PCDHGA9: variants seen among roughly 807,000 people sequenced by gnomAD.
The protein encoded by PCDHGA9 is protocadherin gamma subfamily A, 9, also known as protocadherin gamma-A9.
Under a neutral mutation model 62.5 loss-of-function variants are expected in PCDHGA9, and 37 were observed. The observed-to-expected ratio is 0.59, with a 90% CI of 0.46 to 0.78. The LOEUF is 0.78. PCDHGA9 is among the 30% of genes least tolerant of loss of function. The pLI is 0.00. For synonymous variants in PCDHGA9, 459 were observed against 484.6 expected (o/e 0.95, Z 0.69); for missense variants, 1,138 against 1,166.2 (o/e 0.98, Z 0.35).
Position 141,404,177 on chromosome 5 carries a change from A to C in PCDHGA9, c.1225A>C (p.Ile409Leu). The C allele has an allele frequency of 6.2e-7, 1 of 1,613,448 alleles. No individual in the cohort carries two copies. Among genetic ancestry groups the C allele is most frequent in the Non-Finnish European group, 8.5e-7 (1 of 1,179,648 alleles). Reference protein sequence around the residue: ...EDYYRLLTAQILDREKASEYN... With the variant: ...EDYYRLLTAQLLDREKASEYN... The stretch of plus-strand genomic sequence containing the variant: ...TTATTACAGATTGTTGACGGCCCAA[A>C]TTCTTGACCGAGAAAAAGCCTCAGA... Residue 409 changes from isoleucine (I) to leucine (L), a missense_variant, in exon 1 of 4, where the codon ATT becomes CTT. Transcript: ENST00000573521.
intron 1 of PCDHGA9, among the ~76,000 whole-genome samples, chr5:141,469,731 C>A (rs1332201791): frequency 6.6e-6 from 1 of 152,214 alleles, no homozygotes; most frequent in Non-Finnish European, 1.5e-5. Context: ...ATCATAAATA[C>A]ACACCTCAAA....
chr5:141,499,921 C>A, intron 2 of PCDHGA9, among the ~76,000 whole-genome samples: 1 of 152,128 alleles, frequency 6.6e-6, no homozygotes, highest in Middle Eastern at 3.2e-3. Context: ...CTCCTGGCCT[C>A]AAGTGATCCA....
chr5:141,509,144 G>A (rs969990007), intron 3 of PCDHGA9, among the ~76,000 whole-genome samples: 1 of 152,114 alleles, frequency 6.6e-6, no homozygotes, highest in African/African-American at 2.4e-5. Context: ...GGCGCATCCC[G>A]GCTCTCCCCT....
chr5:141,419,479 C>A, intron 1 of PCDHGA9: 2 of 1,612,390 alleles, frequency 1.2e-6, no homozygotes, highest in Non-Finnish European at 1.7e-6. Flanking sequence ...AGGGCTCGCC[C>A]GCGCTCAGCG....
intron 1 of PCDHGA9, chr5:141,421,632 G>A (rs2096589368): frequency 6.2e-7 from 1 of 1,613,846 alleles, no homozygotes; most frequent in South Asian, 1.1e-5. Context: ...CCAGCTTCCA[G>A]GAGGACGAAG....
chr5:141,501,509 C>T lies in PCDHGA9; in HGVS notation c.2484-3884C>T, dbSNP rs1046763108. 4.6e-5 allele frequency among the ~76,000 whole-genome samples: 7 copies of T among 152,080 alleles called. No individual in the cohort carries two copies. The South Asian group carries it at 6.2e-4, about 14-fold the overall frequency. On this transcript the variant is annotated intron_variant, in intron 2 of 3. Transcript: ENST00000573521. The stretch of plus-strand genomic sequence containing the variant: ...ATATCTGCTGCTGGGGCTCCAAGGC[C>T]TCCAAGCTGAAGCCCAGTACGTTGT...
Position 141,491,244 on chromosome 5 carries a change from T to A in PCDHGA9, c.2425-3563T>A. 1 of 1,614,210 alleles carries A rather than the reference T, an allele frequency of 6.2e-7. No individual in the cohort carries two copies. Among genetic ancestry groups the A allele is most frequent in the Non-Finnish European group, 8.5e-7 (1 of 1,180,024 alleles). On this transcript the variant is annotated intron_variant, in intron 1 of 3. Coordinates refer to ENST00000573521, the MANE Select transcript of PCDHGA9 (RefSeq NM_018921.3). This position sits in a 1 kb window ranked among gnomAD's most constrained non-coding sequence, Gnocchi z 6.9. ...CCACAGTGCTGCTGGTTCTGGAGGA[T>A]GAGGACCCTGAGGAAATGCCCAAAT...
rs1177173734 is a variant in PCDHGA9, at chr5:141,491,741, G to T, written c.2425-3066G>T. 1.3e-6 allele frequency: 2 copies of T among 1,595,762 alleles called. No individual in the cohort carries two copies. On this transcript the variant is annotated intron_variant, in intron 1 of 3. Transcript: ENST00000573521. This position sits in a 1 kb window ranked among gnomAD's most constrained non-coding sequence, Gnocchi z 6.9. ...CCGCCCCGGGCGACCCCTGGGGGCG[G>T]CACTGGAGAAGCCGCCCGTCCTCAT... is the stretch of plus-strand genomic sequence containing the variant.
intron 1 of PCDHGA9, chr5:141,478,456 T>A (rs371773090): frequency 3.1e-6 from 5 of 1,613,366 alleles, no homozygotes; most frequent in African/African-American, 2.7e-5. Context: ...GTGCAGCCAG[T>A]CCACTGGCCA....
Position 141,487,265 on chromosome 5 carries a change from G to C in PCDHGA9, c.2425-7542G>C, listed in dbSNP as rs144347539. 6,978 of 1,614,152 alleles carry C rather than the reference G, an allele frequency of 4.3e-3. 28 individuals carry two copies. Among genetic ancestry groups the C allele is most frequent in the Non-Finnish European group, 4.9e-3 (5,770 of 1,180,028 alleles). ...AACCCTCTACTTGGCTGTGTCCCTA[G>C]TGGCAATTTGCTTTGTCTCCTTTGG... On this transcript the variant is annotated intron_variant, in intron 1 of 3. Coordinates refer to ENST00000573521, the MANE Select transcript of PCDHGA9 (RefSeq NM_018921.3). This position sits in a 1 kb window ranked among gnomAD's most constrained non-coding sequence, Gnocchi z 5.0.
chr5:141,472,505 A>G (rs1041224118), intron 1 of PCDHGA9, among the ~76,000 whole-genome samples: 4 of 152,004 alleles, frequency 2.6e-5, no homozygotes, highest in African/African-American at 7.3e-5. Context: ...GTGCCACTGC[A>G]CTCCAGCCTG....
At position 141,485,074 on chromosome 5, in the gene PCDHGA9, G is replaced by T. The variant is rs2099606548; in HGVS notation, c.2425-9733G>T. On this transcript the variant is annotated intron_variant, in intron 1 of 3. Transcript: ENST00000573521. The surrounding 1 kb of genome is among the most constrained non-coding windows in gnomAD (Gnocchi z 5.7). ...GGCCGAACCGCGCCAGAGCTGGCGCGGGGAAAGGGAGATAGGTGTCTCCAG... is the reference window on the plus strand; with the variant it reads ...GGCCGAACCGCGCCAGAGCTGGCGCTGGGAAAGGGAGATAGGTGTCTCCAG... The T allele has an allele frequency of 2.2e-6, 2 of 926,946 alleles. No homozygotes were observed. The highest frequency in any genetic ancestry group is 3.4e-6 in the Non-Finnish European group (2 of 596,630). 57.4% of individuals were successfully genotyped at this position (926,946 alleles called of 1,614,324 possible). A position where few individuals can be genotyped will look rare whatever the true frequency, so the allele number is the denominator to read the frequency against.
intron 1 of PCDHGA9, chr5:141,422,899 G>A: frequency 2.5e-6 from 4 of 1,614,234 alleles, no homozygotes; most frequent in Non-Finnish European, 3.4e-6. Flanking sequence ...GGACCAGAAC[G>A]ACAATGCGCC....
intron 2 of PCDHGA9, among the ~76,000 whole-genome samples, chr5:141,497,336 A>G (rs558221190): frequency 1.6e-3 from 251 of 152,122 alleles, no homozygotes; most frequent in Non-Finnish European, 2.8e-3. Flanking sequence ...TTCACCATTG[A>G]ACCTGGAAGC....
chr5:141,454,281 A>C (rs1048947689), intron 1 of PCDHGA9, among the ~76,000 whole-genome samples: 2 of 152,242 alleles, frequency 1.3e-5, no homozygotes, highest in African/African-American at 4.8e-5. Context: ...AAAACTTCAC[A>C]TTAAAGGAAC....
chr5:141,485,106 TGGCTGTTTGGGGCGGGTC>T lies in PCDHGA9; in HGVS notation c.2425-9696_2425-9679del. 1 of 1,206,448 alleles carries T rather than the reference TGGCTGTTTGGGGCGGGTC, an allele frequency of 8.3e-7. No homozygotes were observed. The highest frequency in any genetic ancestry group is 1.2e-6 in the Non-Finnish European group (1 of 828,284). 74.7% of individuals were successfully genotyped at this position (1,206,448 alleles called of 1,614,324 possible). Reference sequence around the variant, plus strand: ...GGGAGATAGGTGTCTCCAGCTGCTGTGGCTGTTTGGGGCGGGTCGGCTTCATCCGCGTCTCAGGAGCAA... The same window carrying T: ...GGGAGATAGGTGTCTCCAGCTGCTGTGGCTTCATCCGCGTCTCAGGAGCAA... On this transcript the variant is annotated intron_variant, in intron 1 of 3. Coordinates refer to ENST00000573521, the MANE Select transcript of PCDHGA9 (RefSeq NM_018921.3). This position sits in a 1 kb window ranked among gnomAD's most constrained non-coding sequence, Gnocchi z 5.7.
intron 2 of PCDHGA9, among the ~76,000 whole-genome samples, chr5:141,502,866 C>CTCTTTTTTT (rs1554188502): frequency 7.8e-6 from 1 of 128,046 alleles, no homozygotes; most frequent in African/African-American, 3.1e-5. Context: ...GACTCTCTGT[C>CTCTTTTTTT]TTTTTTTTTT....
Position 141,477,783 on chromosome 5 carries a change from T to C in PCDHGA9, c.2425-17024T>C. 1 of 1,614,078 alleles carries C rather than the reference T, an allele frequency of 6.2e-7. No individual in the cohort carries two copies. Among genetic ancestry groups the C allele is most frequent in the Non-Finnish European group, 8.5e-7 (1 of 1,180,028 alleles). On this transcript the variant is annotated intron_variant, in intron 1 of 3. Coordinates refer to ENST00000573521, the MANE Select transcript of PCDHGA9 (RefSeq NM_018921.3). The surrounding 1 kb of genome is among the most constrained non-coding windows in gnomAD (Gnocchi z 4.9). ...GCCACCAACATCAGCGTGAACATAT[T>C]TGTCACTGATCGCAATGACAATGCC...
intron 1 of PCDHGA9, among the ~76,000 whole-genome samples, chr5:141,463,783 C>T (rs1395035313): frequency 1.3e-5 from 2 of 152,138 alleles, no homozygotes; most frequent in African/African-American, 4.8e-5. Flanking sequence ...CCTGCACTGT[C>T]TTTTGAACAA....
Sources: allele counts gnomAD v4.1 joint callset (sites outside exome capture counted in the v4.1 genomes callset), GRCh38; gene constraint gnomAD v4.1.1; non-coding constraint Gnocchi (gnomAD v3.1); transcripts MANE v1.5; gene names NCBI Gene and HGNC (gene_info 2026-07-23, HGNC 2026-07-21).